ATRNL1: variants seen among roughly 807,000 people sequenced by gnomAD.
The protein encoded by ATRNL1 is attractin-like protein 1.
ATRNL1 carries 95 observed loss-of-function variants against 182.7 expected under a neutral mutation model. The ratio of observed to expected loss-of-function variants is 0.52; its 90% confidence interval spans 0.44 to 0.62. The LOEUF is 0.62. Ranked by LOEUF, ATRNL1 falls within the 20% of genes least tolerant of loss-of-function variation. ATRNL1 has a pLI of 0.00. For missense variants in ATRNL1, 1,471 were observed against 1,679.5 expected, an observed-to-expected ratio of 0.88 and a Z score of 2.17; for synonymous variants, 576 against 568.3, an observed-to-expected ratio of 1.01 and a Z score of -0.19.
intron 18 of ATRNL1, among the ~76,000 whole-genome samples, chr10:115,327,385 G>A (rs1392927075): frequency 6.6e-6 from 1 of 152,146 alleles, no homozygotes; most frequent in Non-Finnish European, 1.5e-5. Flanking sequence ...ACCACAATGA[G>A]ATACCATCTC....
chr10:115,733,492 C>T (rs532544446), intron 27 of ATRNL1, among the ~76,000 whole-genome samples: 2 of 152,310 alleles, frequency 1.3e-5, no homozygotes, highest in Admixed American at 6.5e-5. Flanking sequence ...ACAGTTCAGC[C>T]TCGTATCTTA....
At chr10:115,426,113 T>C in intron 20 of ATRNL1, 137 bp from the exon 21 acceptor site, 1 of 572,162 alleles carries the variant, frequency 1.7e-6, no homozygotes, top group Non-Finnish European at 3.0e-6. Flanking sequence ...TTCAAAGATG[T>C]GTTTTTGAAA....
intron 25 of ATRNL1, among the ~76,000 whole-genome samples, chr10:115,540,642 C>T (rs1554991703): frequency 6.6e-6 from 1 of 151,802 alleles, no homozygotes; most frequent in African/African-American, 2.4e-5. Context: ...CGCCTATAAT[C>T]CTAGCTACTT....
chr10:115,728,298 CAAAAAAAA>C (rs58437496), intron 27 of ATRNL1, among the ~76,000 whole-genome samples: 2 of 58,776 alleles, frequency 3.4e-5, no homozygotes, highest in Non-Finnish European at 5.7e-5. Context: ...GACTCCGCCT[CAAAAAAAA>C]AAAAAAAAAA....
intron 25 of ATRNL1, among the ~76,000 whole-genome samples, chr10:115,540,577 T>C (rs554141795): frequency 6.6e-6 from 1 of 151,972 alleles, no homozygotes; most frequent in African/African-American, 2.4e-5. Context: ...CTGGCCAAGA[T>C]AGTGAAACCC....
intron 26 of ATRNL1, among the ~76,000 whole-genome samples, chr10:115,615,199 AT>A (rs1428814142): frequency 5.3e-5 from 8 of 151,852 alleles, no homozygotes; most frequent in Non-Finnish European, 1.0e-4. Context: ...CTATACCAAT[AT>A]TTTTTATGCT....
At chr10:115,568,090 A>G (rs1704701826) in intron 26 of ATRNL1, among the ~76,000 whole-genome samples, 1 of 152,076 alleles carries the variant, frequency 6.6e-6, no homozygotes. Flanking sequence ...GCTGACAGTT[A>G]ATGGTAACAG....
chr10:115,303,510 C>T (rs1320503330), intron 17 of ATRNL1, among the ~76,000 whole-genome samples: 3 of 152,082 alleles, frequency 2.0e-5, no homozygotes, highest in Non-Finnish European at 2.9e-5. Flanking sequence ...CGTGAGCCAC[C>T]GCGCCCGGCC....
At chr10:115,802,485 T>C (rs1488382898) in intron 27 of ATRNL1, among the ~76,000 whole-genome samples, 4 of 152,162 alleles carry the variant, frequency 2.6e-5, no homozygotes, top group Non-Finnish European at 5.9e-5. Flanking sequence ...GAAAACTTAA[T>C]GAAAAAATTA....
At chr10:115,175,296 G>C (rs10885664) in intron 8 of ATRNL1, among the ~76,000 whole-genome samples, 32,016 of 151,940 alleles carry the variant, frequency 0.21, 4,320 homozygotes, top group Non-Finnish European at 0.3. Context: ...GGCTAGGAAA[G>C]TACTATGGGT....
At chr10:115,826,175 G>C (rs2134297138) in intron 27 of ATRNL1, among the ~76,000 whole-genome samples, 1 of 149,724 alleles carries the variant, frequency 6.7e-6, no homozygotes, top group Middle Eastern at 3.4e-3. Flanking sequence ...TATATTTTTG[G>C]AAATGGATCA....
intron 27 of ATRNL1, among the ~76,000 whole-genome samples, chr10:115,846,190 C>G (rs536928520): frequency 6.6e-6 from 1 of 152,028 alleles, no homozygotes; most frequent in South Asian, 2.1e-4. Flanking sequence ...CATTTTTATG[C>G]CCTTTGCTTC....
chr10:115,517,659 C>G (rs1316955616), intron 24 of ATRNL1, among the ~76,000 whole-genome samples: 1 of 151,690 alleles, frequency 6.6e-6, no homozygotes, highest in African/African-American at 2.4e-5. Context: ...AGGTATTTAT[C>G]AACATTGCGT....
intron 10 of ATRNL1, among the ~76,000 whole-genome samples, chr10:115,246,511 C>T (rs1850648200): frequency 6.6e-6 from 1 of 151,714 alleles, no homozygotes; most frequent in African/African-American, 2.4e-5. Flanking sequence ...ATAGAAAATC[C>T]AGGAGAAAGA....
At chr10:115,278,820 T>A (rs1222286978) in intron 13 of ATRNL1, among the ~76,000 whole-genome samples, 2 of 152,178 alleles carry the variant, frequency 1.3e-5, no homozygotes, top group Non-Finnish European at 2.9e-5. Context: ...GTCAGTTGGA[T>A]GATTTTTTTA....
intron 25 of ATRNL1, among the ~76,000 whole-genome samples, chr10:115,537,707 G>GTTTGTTTGTTTGT (rs1554990921): frequency 6.6e-6 from 1 of 151,898 alleles, no homozygotes; most frequent in Admixed American, 6.6e-5. Context: ...CTTATTGTTT[G>GTTTGTTTGTTTGT]TTTTTTACTT....
chr10:115,535,264 T>A (rs1406805672), intron 25 of ATRNL1, among the ~76,000 whole-genome samples: 4 of 152,240 alleles, frequency 2.6e-5, no homozygotes, highest in Non-Finnish European at 5.9e-5. Context: ...GTAGATGTGG[T>A]CTTTTCACAT....
In ATRNL1 at chr10:115,945,039, AAGATGT is replaced by A; in HGVS notation, c.*262_*267del. On this transcript the variant is annotated 3_prime_UTR_variant, in exon 29 of 29. Coordinates refer to ENST00000355044, the MANE Select transcript of ATRNL1 (RefSeq NM_207303.4). ...AGCTAACATTAAATTACTCTGGAAA[AAGATGT>A]ATATTGTTTCTTAATGAAGATGAAA... 1 of 267,884 alleles carries A rather than the reference AAGATGT, an allele frequency of 3.7e-6. No homozygotes were observed. The allele number at this position is 267,884 out of a possible 1,614,324, so 16.6% of individuals were successfully genotyped here.
At chr10:115,763,828 G>A (rs1437224611) in intron 27 of ATRNL1, among the ~76,000 whole-genome samples, 4 of 152,008 alleles carry the variant, frequency 2.6e-5, no homozygotes, top group East Asian at 1.9e-4. Flanking sequence ...TCTATAGCAT[G>A]GAAACACTTT....
Sources: allele counts gnomAD v4.1 joint callset (sites outside exome capture counted in the v4.1 genomes callset), GRCh38; gene constraint gnomAD v4.1.1; transcripts MANE v1.5; gene names NCBI Gene and HGNC (gene_info 2026-07-23, HGNC 2026-07-21).